LIG1: variants seen among roughly 807,000 people sequenced by gnomAD.
LIG1 encodes DNA ligase 1.
Under a neutral mutation model 115.7 loss-of-function variants are expected in LIG1, and 70 were observed. The ratio of observed to expected loss-of-function variants is 0.60; its 90% CI spans 0.50 to 0.74. The LOEUF is 0.74. Ranked by LOEUF, LIG1 falls within the 30% of genes least tolerant of loss-of-function variation. The probability of loss-of-function intolerance (pLI) is 0.00; values close to 1 mark genes in which losing one functional copy is unlikely to be tolerated. For missense variants in LIG1, 1,115 were observed against 1,225.6 expected (o/e 0.91, Z 1.35); for synonymous variants, 487 against 495.3 (o/e 0.98, Z 0.22).
At chr19:48,127,254 C>T (rs1162322491) in intron 21 of LIG1, 23 bp downstream of exon 21, 1 of 1,607,316 alleles carries the variant, frequency 6.2e-7, no homozygotes, top group African/African-American at 1.3e-5. Context: ...TCAGCTGCCC[C>T]TGGACAGGAA....
At chr19:48,135,891 G>GCCCCCACCCCC in intron 15 of LIG1, 112 bp from the exon 16 acceptor site, 1 of 928,770 alleles carries the variant, frequency 1.1e-6, no homozygotes, top group East Asian at 2.8e-5. Context: ...GGCCCAAGAC[G>GCCCCCACCCCC]CCCCCTCCCC....
intron 11 of LIG1, among the ~76,000 whole-genome samples, chr19:48,142,165 C>T (rs12974614): frequency 0.3 from 45,491 of 150,994 alleles, 7,857 homozygotes; most frequent in East Asian, 0.55. Context: ...GGGCCGGGCG[C>T]GGTGGCTCAC....
intron 1 of LIG1, among the ~76,000 whole-genome samples, chr19:48,167,141 A>G (rs921278965): frequency 8.0e-5 from 12 of 150,934 alleles, no homozygotes; most frequent in Admixed American, 2.6e-4. Context: ...CTTTCCTTCC[A>G]TTATAAATAT....
At chr19:48,161,317 G>A (rs1324673704) in intron 4 of LIG1, 55 bp downstream of exon 4, 30 of 1,611,676 alleles carry the variant, frequency 1.9e-5, no homozygotes, top group Non-Finnish European at 1.7e-5. Context: ...CTGTTCCAAA[G>A]GTTAATGGGA....
chr19:48,123,334 G>GGA lies in LIG1; in HGVS notation c.2005-18_2005-17dup, dbSNP rs755164186. 2.5e-5 allele frequency: 40 copies of GGA among 1,611,486 alleles called. No individual in the cohort carries two copies. Among genetic ancestry groups the GGA allele is most frequent in the Non-Finnish European group, 3.3e-5 (39 of 1,179,988 alleles). ...GTACCAGGGACTGCAGGGCCGGCAG[G>GGA]GAGAAGAGAGATGAGACATCTTTGT... On this transcript the variant is annotated splice_polypyrimidine_tract_variant and intron_variant, in intron 21 of 27. Coordinates refer to ENST00000263274, the MANE Select transcript of LIG1 (RefSeq NM_000234.3).
Position 48,155,325 on chromosome 19 carries a change from C to T in LIG1, c.371-1358G>A, listed in dbSNP as rs115974572. On this transcript the variant is annotated intron_variant, in intron 5 of 27. Coordinates refer to ENST00000263274, the MANE Select transcript of LIG1 (RefSeq NM_000234.3). The stretch of plus-strand genomic sequence containing the variant: ...CCTCTCACCACGTGCTATCCTCAAA[C>T]TCTCCCTGCTTCCCAGGTCGCATCC... 3.7e-3 allele frequency among the ~76,000 whole-genome samples: 568 copies of T among 152,302 alleles called. 1 individual carries two copies. The highest frequency in any genetic ancestry group is 0.013 in the African/African-American group (543 of 41,572).
At chr19:48,134,300 G>A (rs1487932657) in intron 16 of LIG1, among the ~76,000 whole-genome samples, 2 of 152,152 alleles carry the variant, frequency 1.3e-5, no homozygotes, top group Non-Finnish European at 2.9e-5. Flanking sequence ...GTCACCACGA[G>A]ACCAGCGATT....
chr19:48,131,532 C>G (rs1482325974), intron 18 of LIG1, among the ~76,000 whole-genome samples: 1 of 152,218 alleles, frequency 6.6e-6, no homozygotes, highest in Non-Finnish European at 1.5e-5. Context: ...AATCTCTGCT[C>G]AATGCAACCT....
intron 4 of LIG1, among the ~76,000 whole-genome samples, chr19:48,158,406 G>T (rs946982927): frequency 1.3e-5 from 2 of 152,110 alleles, no homozygotes; most frequent in African/African-American, 4.8e-5. Context: ...CATGAATCCC[G>T]GACTCTGCAC....
intron 25 of LIG1, chr19:48,118,634 G>T (rs755312667): frequency 3.9e-5 from 6 of 153,688 alleles, no homozygotes; most frequent in Non-Finnish European, 5.5e-5. Context: ...TGCATCCTGG[G>T]TTCAAGCAAT....
Position 48,161,424 on chromosome 19 carries a change from A to G in LIG1, c.191T>C (p.Leu64Pro). ...KRPGRKAARV[L>P]GSEGEEEDEA... ...ATCCTCCTCTTCCCCTTCGCTGCCC[A>G]GGACCCGGGCCGCCTTCCTCCCTGG... The change falls in exon 4 of 28, where the codon CTG (leucine) becomes CCG (proline). Residue 64 changes from leucine to proline, a missense_variant. Transcript: ENST00000263274. 1.2e-6 allele frequency: 2 copies of G among 1,614,150 alleles called. No homozygotes were observed. Among genetic ancestry groups the G allele is most frequent in the Non-Finnish European group, 1.7e-6 (2 of 1,180,024 alleles).
chr19:48,143,695 C>T, intron 10 of LIG1, 96 bp from the exon 11 acceptor site: 1 of 1,190,252 alleles, frequency 8.4e-7, no homozygotes, highest in Non-Finnish European at 1.3e-6. Flanking sequence ...TCGGGACACC[C>T]TTGCCAATAC....
At chr19:48,158,859 C>T (rs979830764) in intron 4 of LIG1, among the ~76,000 whole-genome samples, 1 of 152,200 alleles carries the variant, frequency 6.6e-6, no homozygotes, top group African/African-American at 2.4e-5. Flanking sequence ...AGCAGTCCCA[C>T]CACAGAGGTG....
At chr19:48,158,056 G>A (rs576359365) in intron 4 of LIG1, among the ~76,000 whole-genome samples, 8 of 152,114 alleles carry the variant, frequency 5.3e-5, no homozygotes, top group African/African-American at 1.7e-4. Context: ...CTTGCCATGT[G>A]ACACACCTGC....
intron 26 of LIG1, among the ~76,000 whole-genome samples, chr19:48,116,447 C>A (rs1241950506): frequency 9.1e-3 from 892 of 97,976 alleles, no homozygotes; most frequent in Middle Eastern, 0.016. Flanking sequence ...GACTCCAACT[C>A]AAAAAAAAAA....
At chr19:48,149,227 G>C (rs948758476) in intron 9 of LIG1, among the ~76,000 whole-genome samples, 4 of 152,200 alleles carry the variant, frequency 2.6e-5, no homozygotes, top group African/African-American at 9.6e-5. Flanking sequence ...AACCTGGGAG[G>C]TGGAGGCTGT....
At chr19:48,148,961 G>C (rs2035303805) in intron 9 of LIG1, among the ~76,000 whole-genome samples, 1 of 152,228 alleles carries the variant, frequency 6.6e-6, no homozygotes. Flanking sequence ...GGGGTGTTCA[G>C]TGAATTTTAA....
chr19:48,161,319 T>C (rs2036163059), intron 4 of LIG1, 53 bp downstream of exon 4: 1 of 1,612,358 alleles, frequency 6.2e-7, no homozygotes, highest in Non-Finnish European at 8.5e-7. Flanking sequence ...GTTCCAAAGG[T>C]TAATGGGAAT....
In LIG1 at chr19:48,161,524, T is replaced by C; in HGVS notation, c.108-17A>G. On this transcript the variant is annotated splice_polypyrimidine_tract_variant and intron_variant, in intron 3 of 27. Coordinates refer to ENST00000263274, the MANE Select transcript of LIG1 (RefSeq NM_000234.3). ...AGTGCCGCCCTGGAAGGTGGGGAAA[T>C]GGGGGTGTAAAGGGGCGACTACAGC... 4 of 1,613,612 alleles carry C rather than the reference T, an allele frequency of 2.5e-6. No individual in the cohort carries two copies. Among genetic ancestry groups the C allele is most frequent in the Non-Finnish European group, 3.4e-6 (4 of 1,179,796 alleles).
Sources: allele counts gnomAD v4.1 joint callset (sites outside exome capture counted in the v4.1 genomes callset), GRCh38; gene constraint gnomAD v4.1.1; transcripts MANE v1.5; gene names NCBI Gene and HGNC (gene_info 2026-07-23, HGNC 2026-07-21).